Variants in TMEM47 observed in about 807,000 individuals in gnomAD.
TMEM47 encodes the protein brain cell membrane protein 1.
TMEM47 carries 3 observed loss-of-function variants against 12.4 expected under a neutral mutation model. The observed-to-expected ratio is 0.24, with a 90% confidence interval of 0.11 to 0.63. TMEM47 has a LOEUF of 0.63. Ranked by LOEUF, TMEM47 falls within the 20% of genes least tolerant of loss-of-function variation. TMEM47 has a pLI of 0.86. For missense variants in TMEM47, 89 were observed against 143.8 expected, an observed-to-expected ratio of 0.62 and a Z score of 1.95; for synonymous variants, 62 against 63.3, an observed-to-expected ratio of 0.98 and a Z score of 0.10.
intron 2 of TMEM47, among the ~76,000 whole-genome samples, chrX:34,635,419 T>C (rs890323610): frequency 9.0e-6 from 1 of 111,726 alleles, no homozygotes; most frequent in Non-Finnish European, 1.9e-5. Context: ...ACTTGATTTC[T>C]CGTCTCAGGG....
chrX:34,655,755 TGA>T (rs1922093648), intron 1 of TMEM47, among the ~76,000 whole-genome samples: 3 of 104,107 alleles, frequency 2.9e-5, no homozygotes, highest in Admixed American at 2.1e-4. Context: ...TGTGTGTGTG[TGA>T]GTCTGTGTAT....
chrX:34,633,302 G>A (rs749772746), intron 2 of TMEM47, among the ~76,000 whole-genome samples: 1 of 111,678 alleles, frequency 9.0e-6, no homozygotes, highest in Non-Finnish European at 1.9e-5. Flanking sequence ...GTGAGAGAAG[G>A]CTGCTCTGAG....
At chrX:34,650,330 C>T (rs1921993987) in intron 1 of TMEM47, among the ~76,000 whole-genome samples, 2 of 111,834 alleles carry the variant, frequency 1.8e-5, no homozygotes, top group African/African-American at 6.5e-5. Flanking sequence ...TACAATATTA[C>T]AGAACATTTT....
intron 1 of TMEM47, among the ~76,000 whole-genome samples, chrX:34,649,383 G>C (rs140308890): frequency 1.2e-3 from 130 of 111,533 alleles, no homozygotes; most frequent in African/African-American, 3.7e-3. Context: ...AAAAACCGAG[G>C]TCATGCATAT....
intron 1 of TMEM47, among the ~76,000 whole-genome samples, chrX:34,642,558 A>G (rs1444005696): frequency 8.9e-6 from 1 of 112,025 alleles, no homozygotes; most frequent in East Asian, 2.8e-4. Flanking sequence ...GTAGATAAAC[A>G]TAATCAGTTC....
chrX:34,648,408 T>G (rs997596702), intron 1 of TMEM47, among the ~76,000 whole-genome samples: 3 of 111,485 alleles, frequency 2.7e-5, no homozygotes, highest in Non-Finnish European at 5.7e-5. Flanking sequence ...CCATGTGATC[T>G]TTGACAAAAT....
At chrX:34,656,779 G>T in intron 1 of TMEM47, 25 bp downstream of exon 1, 1 of 1,159,007 alleles carries the variant, frequency 8.6e-7, no homozygotes, top group Non-Finnish European at 1.2e-6. Context: ...CGGGAGGCAG[G>T]GGTCGCGGCG....
rs775253499 is a variant in TMEM47, at chrX:34,654,902, CAG to C, written c.226+1900_226+1901del. Among the ~76,000 whole-genome samples, 4 of 111,784 alleles carry C rather than the reference CAG, an allele frequency of 3.6e-5. No homozygotes were observed. In the East Asian group the frequency reaches 1.1e-3, roughly 32 times the overall value. ...ACTTTCAGCAAGGGGGTAGAATAAACAGGGAAAAATCCCAAACTGGGCCTGCC... is the reference window on the plus strand; with the variant it reads ...ACTTTCAGCAAGGGGGTAGAATAAACGGAAAAATCCCAAACTGGGCCTGCC... On this transcript the variant is annotated intron_variant, in intron 1 of 2. Transcript: ENST00000275954.
At chrX:34,641,925 T>C (rs5012459) in intron 1 of TMEM47, among the ~76,000 whole-genome samples, 31,162 of 111,484 alleles carry the variant, frequency 0.28, 3,313 homozygotes, top group East Asian at 0.65. Flanking sequence ...GGCACGATCT[T>C]GGCTCACTGC....
chrX:34,640,875 A>G (rs1031844587), intron 1 of TMEM47, among the ~76,000 whole-genome samples: 1 of 111,817 alleles, frequency 8.9e-6, no homozygotes, highest in African/African-American at 3.3e-5. Context: ...TTGCACTGCA[A>G]TCAAGAAACA....
At chrX:34,638,563 C>T (rs756041299) in intron 2 of TMEM47, among the ~76,000 whole-genome samples, 2 of 111,749 alleles carry the variant, frequency 1.8e-5, no homozygotes, top group South Asian at 3.8e-4. Context: ...ACTGAAGGCA[C>T]CACAGAATAT....
intron 1 of TMEM47, among the ~76,000 whole-genome samples, chrX:34,648,252 A>C (rs7880982): frequency 0.025 from 2,857 of 112,083 alleles, 73 homozygotes; most frequent in African/African-American, 0.083. Context: ...CAAAAAGAAC[A>C]AAGTTGGTCG....
chrX:34,657,043 T>C lies in TMEM47; in HGVS notation c.-14A>G. 1 of 1,133,251 alleles carries C rather than the reference T, an allele frequency of 8.8e-7. No homozygotes were observed. The highest frequency in any genetic ancestry group is 1.2e-6 in the Non-Finnish European group (1 of 854,577). The allele number at this position is 1,133,251 out of a possible 1,213,427, so 93.4% of individuals were successfully genotyped here. A position where few individuals can be genotyped will look rare whatever the true frequency, so the allele number is the denominator to read the frequency against. On this transcript the variant is annotated 5_prime_UTR_variant, in exon 1 of 3. Coordinates refer to ENST00000275954, the MANE Select transcript of TMEM47 (RefSeq NM_031442.4). ...CGCCGAAGCCATTCCTGGGCGCCGC[T>C]GTCGTCCGCCCCGCCGCAGGCGAGG...
intron 1 of TMEM47, among the ~76,000 whole-genome samples, chrX:34,640,903 T>C (rs1319947166): frequency 9.0e-6 from 1 of 111,587 alleles, no homozygotes; most frequent in Non-Finnish European, 1.9e-5. Flanking sequence ...AAGGGGAAAT[T>C]GAACAAATCC....
Position 34,627,091 on chromosome X carries a change from T to TAAAA in TMEM47, c.*3221_*3222insTTTT, listed in dbSNP as rs1315521581. 2.2e-3 allele frequency: 241 copies of TAAAA among 111,942 alleles called. No homozygotes were observed. Among genetic ancestry groups the TAAAA allele is most frequent in the Non-Finnish European group, 3.3e-3 (174 of 53,155 alleles). 9.2% of individuals were successfully genotyped at this position (111,942 alleles called of 1,213,427 possible). ...CAAACCACATCCGTGAAATCACTTT[T>TAAAA]ATTTTTATTTTTTTCCACATAGATG... On this transcript the variant is annotated 3_prime_UTR_variant, in exon 3 of 3. Coordinates refer to ENST00000275954, the MANE Select transcript of TMEM47 (RefSeq NM_031442.4).
intron 1 of TMEM47, among the ~76,000 whole-genome samples, chrX:34,647,383 G>A (rs890277962): frequency 9.0e-6 from 1 of 111,626 alleles, no homozygotes; most frequent in Non-Finnish European, 1.9e-5. Context: ...ATTTTGAACA[G>A]AAAGTATAAA....
rs1921568063 is a variant in TMEM47 at position 34,629,271 on chromosome X, A to T, written c.*1042T>A. On this transcript the variant is annotated 3_prime_UTR_variant, in exon 3 of 3. Coordinates refer to ENST00000275954, the MANE Select transcript of TMEM47 (RefSeq NM_031442.4). ...TCAATTTTTATTCTTAGGCAACTCT[A>T]TTGACACTTTCCAGTGAAACAGTAA... is the stretch of plus-strand genomic sequence containing the variant. The T allele has an allele frequency of 9.0e-6, 1 of 111,575 alleles. No homozygotes were observed. The highest frequency in any genetic ancestry group is 9.6e-5 in the Admixed American group (1 of 10,447). The allele number at this position is 111,575 out of a possible 1,213,427, so 9.2% of individuals were successfully genotyped here. A position where few individuals can be genotyped will look rare whatever the true frequency, so the allele number is the denominator to read the frequency against.
intron 1 of TMEM47, among the ~76,000 whole-genome samples, chrX:34,646,397 T>C (rs1239892557): frequency 9.0e-6 from 1 of 111,617 alleles, no homozygotes; most frequent in Non-Finnish European, 1.9e-5. Flanking sequence ...GTTCCAGTAT[T>C]TGGACAAAAA....
At chrX:34,631,432 T>C (rs1328851381) in intron 2 of TMEM47, among the ~76,000 whole-genome samples, 2 of 111,242 alleles carry the variant, frequency 1.8e-5, no homozygotes, top group Non-Finnish European at 3.8e-5. Context: ...ATTATTTTCT[T>C]CTCATCCACT....
Sources: allele counts gnomAD v4.1 joint callset (sites outside exome capture counted in the v4.1 genomes callset), GRCh38; gene constraint gnomAD v4.1.1; transcripts MANE v1.5; gene names NCBI Gene and HGNC (gene_info 2026-07-23, HGNC 2026-07-21).